The following PPP1CB variants were observed in gnomAD, a reference collection of about 807,000 sequenced individuals.
The protein encoded by PPP1CB is serine/threonine-protein phosphatase PP1-beta catalytic subunit.
PPP1CB carries 2 observed loss-of-function variants against 43.7 expected under a neutral mutation model. The ratio of observed to expected loss-of-function variants is 0.05; its 90% CI spans 0.02 to 0.14. The LOEUF (loss-of-function observed/expected upper bound fraction) is 0.14, where lower values mean the gene tolerates loss of function less well. PPP1CB is among the 10% of genes least tolerant of loss of function. The pLI is 1.00. For missense variants in PPP1CB, 84 were observed against 398.0 expected, an observed-to-expected ratio of 0.21 and a Z score of 6.71; for synonymous variants, 136 against 135.6, an observed-to-expected ratio of 1.00 and a Z score of -0.02.
At chr2:28,773,083 G>A (rs72784015) in intron 1 of PPP1CB, among the ~76,000 whole-genome samples, 7,024 of 152,226 alleles carry the variant, frequency 0.046, 203 homozygotes, top group Non-Finnish European at 0.071. Context: ...AATCTTCAGG[G>A]TTGCAGGAAG....
At chr2:28,798,882 T>C (rs377475466) in intron 7 of PPP1CB, among the ~76,000 whole-genome samples, 5 of 152,244 alleles carry the variant, frequency 3.3e-5, no homozygotes, top group African/African-American at 9.6e-5. Context: ...AGAATTATGA[T>C]GACAACATAG....
chr2:28,798,384 C>G (rs959681690), intron 7 of PPP1CB, among the ~76,000 whole-genome samples: 3 of 151,994 alleles, frequency 2.0e-5, no homozygotes, highest in Non-Finnish European at 4.4e-5. Flanking sequence ...CATGTTCACA[C>G]AAAAACTGTT....
intron 1 of PPP1CB, among the ~76,000 whole-genome samples, chr2:28,754,221 T>G (rs560367658): frequency 6.6e-6 from 1 of 151,990 alleles, no homozygotes; most frequent in Non-Finnish European, 1.5e-5. Context: ...TACTTAAACT[T>G]CACGAGTGGG....
chr2:28,796,775 T>C (rs181191945), intron 7 of PPP1CB, among the ~76,000 whole-genome samples: 231 of 152,324 alleles, frequency 1.5e-3, no homozygotes, highest in Middle Eastern at 6.8e-3. Flanking sequence ...TTCTTTATCT[T>C]GCCTGATTAC....
chr2:28,789,350 A>T (rs966680104), intron 6 of PPP1CB, among the ~76,000 whole-genome samples: 2 of 151,812 alleles, frequency 1.3e-5, no homozygotes, highest in African/African-American at 4.8e-5. Flanking sequence ...CTACAAAAAA[A>T]ATCAAAAATT....
In PPP1CB at chr2:28,799,406, ATGT is replaced by A. The variant is rs1667561278; in HGVS notation, c.*104_*106del. 1 of 860,718 alleles carries A rather than the reference ATGT, an allele frequency of 1.2e-6. No individual in the cohort carries two copies. Among genetic ancestry groups the A allele is most frequent in the East Asian group, 2.7e-5 (1 of 36,626 alleles). 53.3% of individuals were successfully genotyped at this position (860,718 alleles called of 1,614,324 possible). On this transcript the variant is annotated 3_prime_UTR_variant, in exon 8 of 8. Coordinates refer to ENST00000395366, the MANE Select transcript of PPP1CB (RefSeq NM_002709.3). ...ATCCAGCCATTTGACACCCTTTATG[ATGT>A]CACACCTTTAACTTAAGGAGACGGG... is the stretch of plus-strand genomic sequence containing the variant.
At chr2:28,754,375 A>C (rs1359268897) in intron 1 of PPP1CB, among the ~76,000 whole-genome samples, 3 of 151,742 alleles carry the variant, frequency 2.0e-5, no homozygotes, top group Non-Finnish European at 2.9e-5. Context: ...ATTGTAGTCC[A>C]GATACGTTTC....
rs138103928 is a variant in PPP1CB, at chr2:28,776,946, A to G, written c.148A>G (p.Ile50Val). The G allele has an allele frequency of 1.2e-6, 2 of 1,613,738 alleles. No individual in the cohort carries two copies. Among genetic ancestry groups the G allele is most frequent in the African/African-American group, 1.3e-5 (1 of 75,042 alleles). ...TCGGGAGATCTTTCTCAGCCAGCCTATTCTTTTGGAATTGGAAGCACCGCT... is the reference window on the plus strand; with the variant it reads ...TCGGGAGATCTTTCTCAGCCAGCCTGTTCTTTTGGAATTGGAAGCACCGCT... ...KSREIFLSQPILLELEAPLKI... is the reference protein window; with the variant it reads ...KSREIFLSQPVLLELEAPLKI... The change falls in exon 2 of 8, where the codon ATT becomes GTT. Residue 50 changes from isoleucine (I) to valine (V), a missense_variant. Physicochemically the swap from Ile to Val is conservative, Grantham distance 29 (BLOSUM62 3). Around this residue, in one of 5 missense-constraint regions of PPP1CB, gnomAD observed 28 missense variants for 234.2 expected, o/e 0.12. Coordinates refer to ENST00000395366, the MANE Select transcript of PPP1CB (RefSeq NM_002709.3).
chr2:28,759,945 C>G (rs1360343481), intron 1 of PPP1CB, among the ~76,000 whole-genome samples: 4 of 94,304 alleles, frequency 4.2e-5, no homozygotes, highest in Non-Finnish European at 9.4e-5. Flanking sequence ...TTTTAAAAAA[C>G]TAGTTAAAAC....
At chr2:28,798,155 A>G (rs1418975315) in intron 7 of PPP1CB, among the ~76,000 whole-genome samples, 1 of 152,080 alleles carries the variant, frequency 6.6e-6, no homozygotes, top group African/African-American at 2.4e-5. Flanking sequence ...ACATATTTCT[A>G]TACTGTTTTA....
At chr2:28,793,410 C>G (rs888892529) in intron 6 of PPP1CB, among the ~76,000 whole-genome samples, 7 of 152,088 alleles carry the variant, frequency 4.6e-5, no homozygotes, top group African/African-American at 9.6e-5. Flanking sequence ...CTGGTTGTTG[C>G]TCATTTAATT....
chr2:28,782,106 A>G, intron 4 of PPP1CB: 1 of 400,266 alleles, frequency 2.5e-6, no homozygotes, highest in Non-Finnish European at 4.4e-6. Context: ...TCAAGTTTTA[A>G]CAGAAAGACA....
intron 6 of PPP1CB, among the ~76,000 whole-genome samples, chr2:28,793,521 TA>T (rs1667430404): frequency 6.6e-6 from 1 of 152,106 alleles, no homozygotes; most frequent in Admixed American, 6.6e-5. Context: ...ATTTAAAACT[TA>T]AAAACAAAAA....
intron 4 of PPP1CB, chr2:28,782,498 A>C (rs1667175961): frequency 6.5e-6 from 1 of 152,910 alleles, no homozygotes; most frequent in Non-Finnish European, 1.5e-5. Flanking sequence ...TTATTAAGAC[A>C]CTATGAGAAG....
At chr2:28,794,892 GGTTT>G (rs1312084963) in intron 7 of PPP1CB, among the ~76,000 whole-genome samples, 1 of 152,052 alleles carries the variant, frequency 6.6e-6, no homozygotes, top group Non-Finnish European at 1.5e-5. Flanking sequence ...TACATGTGCA[GGTTT>G]GTTCCATGTG....
At chr2:28,768,766 G>A (rs1666835955) in intron 1 of PPP1CB, among the ~76,000 whole-genome samples, 1 of 152,114 alleles carries the variant, frequency 6.6e-6, no homozygotes, top group Non-Finnish European at 1.5e-5. Context: ...AATAGGATAT[G>A]CTGTTTTGGA....
chr2:28,754,987 A>G (rs911242426), intron 1 of PPP1CB, among the ~76,000 whole-genome samples: 6 of 152,164 alleles, frequency 3.9e-5, no homozygotes, highest in Admixed American at 3.9e-4. Flanking sequence ...TCTGGTGACT[A>G]CATTTTATGA....
At chr2:28,770,761 A>G (rs917721151) in intron 1 of PPP1CB, among the ~76,000 whole-genome samples, 2 of 145,534 alleles carry the variant, frequency 1.4e-5, no homozygotes, top group Admixed American at 7.0e-5. Flanking sequence ...ACTTCACTCA[A>G]TAATTTCAGG....
intron 5 of PPP1CB, among the ~76,000 whole-genome samples, chr2:28,787,879 A>G (rs1459225988): frequency 2.0e-5 from 3 of 152,084 alleles, no homozygotes; most frequent in Admixed American, 1.3e-4. Context: ...TTCCACTACC[A>G]TTAATATGAT....
Sources: gnomAD v4.1 joint callset for allele counts (sites outside exome capture counted in the v4.1 genomes callset) on GRCh38, gnomAD v4.1.1 for gene constraint, gnomAD v4.1.1 regional missense constraint, MANE v1.5 for transcripts, NCBI Gene and HGNC (gene_info 2026-07-23, HGNC 2026-07-21) for gene names.